The following CDC14A variants were observed in gnomAD, a reference collection of about 807,000 sequenced individuals.
CDC14A encodes the protein dual specificity protein phosphatase CDC14A.
A neutral mutation model predicts 74.4 loss-of-function variants in CDC14A; 53 were observed. That is an observed-to-expected ratio of 0.71 (90% confidence interval 0.57 to 0.89). The LOEUF (loss-of-function observed/expected upper bound fraction) is 0.89, where lower values mean the gene tolerates loss of function less well. CDC14A is among the 40% of genes least tolerant of loss of function. The probability of loss-of-function intolerance (pLI) is 0.00; values close to 1 mark genes in which losing one functional copy is unlikely to be tolerated. For synonymous variants in CDC14A, 247 were observed against 258.4 expected (o/e 0.96, Z 0.43); for missense variants, 646 against 713.7 (o/e 0.91, Z 1.08).
At chr1:100,368,938 A>G (rs1405875944) in intron 2 of CDC14A, among the ~76,000 whole-genome samples, 3 of 152,134 alleles carry the variant, frequency 2.0e-5, no homozygotes, top group African/African-American at 7.2e-5. Context: ...TTTCTTTTGG[A>G]TATATACCCA....
At chr1:100,431,048 A>T (rs558505861) in intron 5 of CDC14A, among the ~76,000 whole-genome samples, 83 of 152,336 alleles carry the variant, frequency 5.4e-4, no homozygotes, top group African/African-American at 1.9e-3. Context: ...CAAACTGTTG[A>T]ATCCATTCTT....
At position 100,510,003 on chromosome 1, in the gene CDC14A, A is replaced by G. The variant is rs76579797; in HGVS notation, c.1756-8248A>G. ...ACTCTCTGGTAGCTCCTGAATCTTT[A>G]TGGTTAAGAGGGGAAAGGCTGTGTT... On this transcript the variant is annotated intron_variant, in intron 15 of 15. Coordinates refer to ENST00000336454, the MANE Select transcript of CDC14A (RefSeq NM_003672.4). Among the ~76,000 whole-genome samples, 909 of 152,308 alleles carry G rather than the reference A, an allele frequency of 6.0e-3. 15 individuals are homozygous for G. Among genetic ancestry groups the G allele is most frequent in the African/African-American group, 0.021 (885 of 41,558 alleles).
intron 2 of CDC14A, among the ~76,000 whole-genome samples, chr1:100,367,448 T>C (rs763659538): frequency 5.3e-5 from 8 of 152,218 alleles, no homozygotes; most frequent in African/African-American, 7.2e-5. Flanking sequence ...AAGTTGGTGA[T>C]AACCCAGCAT....
chr1:100,396,678 T>C (rs1658546876), intron 4 of CDC14A, among the ~76,000 whole-genome samples: 1 of 152,226 alleles, frequency 6.6e-6, no homozygotes, highest in African/African-American at 2.4e-5. Context: ...CCCAATTTTT[T>C]TGTGGTAAAA....
At chr1:100,515,386 CTTT>C (rs368562046) in intron 15 of CDC14A, among the ~76,000 whole-genome samples, 3 of 140,172 alleles carry the variant, frequency 2.1e-5, no homozygotes, top group African/African-American at 2.6e-5. Flanking sequence ...TTCTTTCTTT[CTTT>C]TTTTTTTTTT....
At chr1:100,492,882 GTA>G (rs1484825572) in intron 11 of CDC14A, among the ~76,000 whole-genome samples, 2 of 151,500 alleles carry the variant, frequency 1.3e-5, no homozygotes, top group Non-Finnish European at 2.9e-5. Context: ...GTGTGTGTGG[GTA>G]TGTGTGTGTG....
At chr1:100,398,379 A>C (rs930956083) in intron 4 of CDC14A, among the ~76,000 whole-genome samples, 1 of 151,850 alleles carries the variant, frequency 6.6e-6, no homozygotes, top group Non-Finnish European at 1.5e-5. Context: ...TGTCCATCAT[A>C]TTTTTCACTT....
chr1:100,457,550 C>T lies in CDC14A; in HGVS notation c.607+2058C>T, dbSNP rs570686783. ...CATAGCTCATTGCAACCTTGAACTCCTGTCCTCAAATGATCTTCCTGCCTC... is the reference window on the plus strand; with the variant it reads ...CATAGCTCATTGCAACCTTGAACTCTTGTCCTCAAATGATCTTCCTGCCTC... On this transcript the variant is annotated intron_variant, in intron 8 of 15. Coordinates refer to ENST00000336454, the MANE Select transcript of CDC14A (RefSeq NM_003672.4). Among the ~76,000 whole-genome samples, 20 of 152,034 alleles carry T rather than the reference C, an allele frequency of 1.3e-4. No individual in the cohort carries two copies. In the East Asian group the frequency reaches 3.9e-3, roughly 29 times the overall value.
rs1020987431 is a variant in CDC14A, at chr1:100,512,348, G to A, written c.1756-5903G>A. Among the ~76,000 whole-genome samples, 5 of 152,056 alleles carry A rather than the reference G, an allele frequency of 3.3e-5. 1 individual carries two copies. Among genetic ancestry groups the A allele is most frequent in the South Asian group, 4.2e-4 (2 of 4,818 alleles). ...AAAGTCAGATAATGTATCTGGGTTC[G>A]TGAATGTTAAAGTGTTTAGGAGCCT... On this transcript the variant is annotated intron_variant, in intron 15 of 15. Transcript: ENST00000336454.
chr1:100,351,683 A>T, upstream of CDC14A: 1 of 1,458,502 alleles, frequency 6.9e-7, no homozygotes, highest in Non-Finnish European at 9.4e-7. Flanking sequence ...GGACCGGAGC[A>T]CTGTAAAGAT....
At chr1:100,494,027 G>A (rs1419629967) in intron 11 of CDC14A, among the ~76,000 whole-genome samples, 15 of 152,190 alleles carry the variant, frequency 9.9e-5, no homozygotes. Context: ...CTGGTGCAAT[G>A]ACAGTGTGCT....
At chr1:100,383,778 T>G (rs1656471182) in intron 3 of CDC14A, 2 of 152,258 alleles carry the variant, frequency 1.3e-5, no homozygotes, top group African/African-American at 4.8e-5. Flanking sequence ...CCAGGCTGCA[T>G]TAATGTCTTC....
At chr1:100,468,148 C>A (rs774933827) in intron 10 of CDC14A, 54 bp downstream of exon 10, 79 of 1,597,102 alleles carry the variant, frequency 4.9e-5, no homozygotes, top group Non-Finnish European at 6.3e-5. Context: ...TCCTTTCTAC[C>A]TCTTGTTCCC....
chr1:100,430,481 C>G (rs1663524592), intron 5 of CDC14A, among the ~76,000 whole-genome samples: 1 of 152,110 alleles, frequency 6.6e-6, no homozygotes, highest in South Asian at 2.1e-4. Flanking sequence ...TGGGAAATCT[C>G]AAAAGTAATT....
chr1:100,452,072 C>T (rs6687613), intron 7 of CDC14A, among the ~76,000 whole-genome samples: 46,465 of 152,092 alleles, frequency 0.31, 10,307 homozygotes, highest in African/African-American at 0.63. Flanking sequence ...AGGAAATCAA[C>T]CTTGTAATCG....
intron 1 of CDC14A, 104 bp downstream of exon 1, chr1:100,353,107 G>T (rs1651344846): frequency 7.9e-7 from 1 of 1,261,244 alleles, no homozygotes; most frequent in African/African-American, 1.5e-5. Flanking sequence ...GTGTCCTGCA[G>T]CCGCTGCGCG....
intron 10 of CDC14A, among the ~76,000 whole-genome samples, chr1:100,468,372 G>T (rs1668054876): frequency 6.6e-6 from 1 of 152,012 alleles, no homozygotes; most frequent in South Asian, 2.1e-4. Context: ...TGGCTACAGT[G>T]CAATTTTCTT....
intron 9 of CDC14A, among the ~76,000 whole-genome samples, chr1:100,465,517 A>C (rs3754131): frequency 0.31 from 47,667 of 152,106 alleles, 8,717 homozygotes; most frequent in East Asian, 0.49. Context: ...AAGTCAGCTT[A>C]GTTTTCTGGG....
intron 3 of CDC14A, among the ~76,000 whole-genome samples, chr1:100,381,642 C>T (rs1224112900): frequency 6.6e-6 from 1 of 152,046 alleles, no homozygotes; most frequent in Admixed American, 6.6e-5. Flanking sequence ...TGATTTATCG[C>T]TATTTTTGTG....
Sources: allele counts gnomAD v4.1 joint callset (sites outside exome capture counted in the v4.1 genomes callset), GRCh38; gene constraint gnomAD v4.1.1; transcripts MANE v1.5; gene names NCBI Gene and HGNC (gene_info 2026-07-23, HGNC 2026-07-21).